The following TIAM2 variants were observed in gnomAD, a reference collection of about 807,000 sequenced individuals.
The protein encoded by TIAM2 is rho guanine nucleotide exchange factor TIAM2.
A neutral mutation model predicts 152.9 loss-of-function variants in TIAM2; 80 were observed. That is an observed-to-expected ratio of 0.52 (90% CI 0.44 to 0.63). TIAM2 has a LOEUF of 0.63. TIAM2 is among the 30% of genes least tolerant of loss of function. The pLI is 0.00. For missense variants in TIAM2, 1,965 were observed against 2,120.1 expected, an observed-to-expected ratio of 0.93 and a Z score of 1.44; for synonymous variants, 804 against 838.0, an observed-to-expected ratio of 0.96 and a Z score of 0.70.
chr6:155,037,117 C>T (rs1222277042), intron 1 of TIAM2, among the ~76,000 whole-genome samples: 4 of 152,178 alleles, frequency 2.6e-5, no homozygotes, highest in African/African-American at 7.2e-5. Flanking sequence ...CCAGGAGGAA[C>T]ATCTTTGGCG....
intron 15 of TIAM2, among the ~76,000 whole-genome samples, chr6:155,222,758 G>A (rs1426290072): frequency 1.3e-5 from 2 of 152,076 alleles, no homozygotes; most frequent in Non-Finnish European, 1.5e-5. Context: ...GTCCTGCCCT[G>A]ATGTCTCTCC....
chr6:155,009,197 G>T (rs1778447129), intron 1 of TIAM2, among the ~76,000 whole-genome samples: 1 of 145,082 alleles, frequency 6.9e-6, no homozygotes, highest in South Asian at 2.2e-4. Flanking sequence ...CACCTCCAGG[G>T]TTCGGGCGAT....
chr6:155,013,084 C>T (rs1778515373), intron 1 of TIAM2, among the ~76,000 whole-genome samples: 1 of 152,072 alleles, frequency 6.6e-6, no homozygotes, highest in Non-Finnish European at 1.5e-5. Context: ...CTGCTCCTCA[C>T]CTGTCCCCTA....
At chr6:155,242,392 A>C (rs1201770677) in intron 16 of TIAM2, among the ~76,000 whole-genome samples, 1 of 152,102 alleles carries the variant, frequency 6.6e-6, no homozygotes, top group Non-Finnish European at 1.5e-5. Flanking sequence ...GAAATTTTTG[A>C]CATCTATGTG....
chr6:155,059,392 C>T (rs1583171900), intron 1 of TIAM2, among the ~76,000 whole-genome samples: 1 of 151,958 alleles, frequency 6.6e-6, no homozygotes, highest in Non-Finnish European at 1.5e-5. Context: ...GGCACGATCT[C>T]ATCTGACTGG....
intron 1 of TIAM2, among the ~76,000 whole-genome samples, chr6:155,089,715 C>T (rs1340608617): frequency 1.3e-5 from 2 of 152,204 alleles, no homozygotes; most frequent in African/African-American, 4.8e-5. Context: ...TTTAATTTAG[C>T]CACTTGTCAC....
chr6:155,101,181 A>G (rs58748232), intron 2 of TIAM2, among the ~76,000 whole-genome samples: 2,140 of 152,220 alleles, frequency 0.014, 43 homozygotes, highest in African/African-American at 0.048. Context: ...TGGGGAGAAA[A>G]ATCAGCTCCC....
chr6:155,155,226 G>A (rs1231538615), intron 7 of TIAM2, among the ~76,000 whole-genome samples: 1 of 151,630 alleles, frequency 6.6e-6, no homozygotes, highest in East Asian at 1.9e-4. Flanking sequence ...GCCCAGGCTG[G>A]AGTGCAGTGG....
chr6:155,239,805 T>C (rs1475882497), intron 15 of TIAM2, among the ~76,000 whole-genome samples: 2 of 152,214 alleles, frequency 1.3e-5, no homozygotes, highest in African/African-American at 4.8e-5. Flanking sequence ...CCTCTGGGGC[T>C]GGTTGATCCC....
intron 1 of TIAM2, among the ~76,000 whole-genome samples, chr6:155,045,050 C>CTTTTTTTTTTTTTTTTTTTT (rs200620585): frequency 3.0e-5 from 4 of 132,056 alleles, no homozygotes; most frequent in Non-Finnish European, 6.4e-5. Flanking sequence ...TTTTCTTTTT[C>CTTTTTTTTTTTTTTTTTTTT]TTTTTTTTTT....
Position 155,165,243 on chromosome 6 carries a change from T to TA in TIAM2, c.2215-17dup. ...AAATACTAAGCCTTTAGATTTTTTT[T>TA]AAACTGTGTTTTACATTAGGTATGT... On this transcript the variant is annotated intron_variant, in intron 8 of 26. Transcript: ENST00000682666. 6.3e-7 allele frequency: 1 copy of TA among 1,591,116 alleles called. No individual in the cohort carries two copies. The highest frequency in any genetic ancestry group is 8.5e-7 in the Non-Finnish European group (1 of 1,172,288).
At chr6:155,130,510 G>A (rs1475402291) in intron 4 of TIAM2, 93 bp downstream of exon 4, 3 of 1,201,788 alleles carry the variant, frequency 2.5e-6, no homozygotes, top group East Asian at 2.5e-5. Context: ...AGTGTTGTCG[G>A]GGTGCTTAAG....
intron 15 of TIAM2, among the ~76,000 whole-genome samples, chr6:155,222,712 CCTAT>C (rs1397994663): frequency 1.3e-5 from 2 of 152,052 alleles, no homozygotes; most frequent in Non-Finnish European, 1.5e-5. Flanking sequence ...GTCAAACTTC[CCTAT>C]CTGTGAAACT....
chr6:155,252,521 A>AT (rs1783727368), intron 23 of TIAM2, among the ~76,000 whole-genome samples: 1 of 152,212 alleles, frequency 6.6e-6, no homozygotes, highest in African/African-American at 2.4e-5. Context: ...GGGGGCCTAC[A>AT]TAGAACATCG....
At chr6:155,147,033 A>G (rs1016823647) in intron 6 of TIAM2, among the ~76,000 whole-genome samples, 1 of 152,046 alleles carries the variant, frequency 6.6e-6, no homozygotes, top group Non-Finnish European at 1.5e-5. Context: ...CCCAGCCAAA[A>G]ATAAACTATT....
intron 14 of TIAM2, among the ~76,000 whole-genome samples, chr6:155,185,490 T>TTTTATTTATTTA (rs57784770): frequency 6.9e-6 from 1 of 145,958 alleles, no homozygotes; most frequent in Non-Finnish European, 1.5e-5. Context: ...GTTAAGCCAC[T>TTTTATTTATTTA]TTTATTTATT....
intron 22 of TIAM2, 100 bp downstream of exon 22, chr6:155,251,121 G>C: frequency 9.8e-7 from 1 of 1,016,744 alleles, no homozygotes; most frequent in Non-Finnish European, 1.5e-6. Flanking sequence ...AGCTCCAGGA[G>C]TCAGAATTGC....
In TIAM2 at chr6:155,130,116, C is replaced by G; in HGVS notation, c.893C>G (p.Ser298Cys). 6.2e-7 allele frequency: 1 copy of G among 1,614,192 alleles called. No individual in the cohort carries two copies. Among genetic ancestry groups the G allele is most frequent in the Non-Finnish European group, 8.5e-7 (1 of 1,180,048 alleles). Reference protein sequence around the residue: ...KPFNQSSSLSSLRELYKDANL... With the variant: ...KPFNQSSSLSCLRELYKDANL... ...TTCAACCAAAGCTCTTCCCTCTCCT[C>G]CCTCCGGGAACTGTACAAAGATGCC... Residue 298 changes from serine (S) to cysteine (C), a missense_variant, in exon 4 of 27, where the codon TCC (serine) becomes TGC (cysteine). By Grantham distance (112) the Ser-to-Cys change is moderately radical (BLOSUM62 -1). Coordinates refer to ENST00000682666, the MANE Select transcript of TIAM2 (RefSeq NM_012454.4).
intron 1 of TIAM2, among the ~76,000 whole-genome samples, chr6:155,084,722 T>C (rs1287201588): frequency 6.6e-6 from 1 of 152,226 alleles, no homozygotes; most frequent in Non-Finnish European, 1.5e-5. Flanking sequence ...TGAAACTTGC[T>C]GTTTTCATTG....
Sources: gnomAD v4.1 joint callset for allele counts (sites outside exome capture counted in the v4.1 genomes callset) on GRCh38, gnomAD v4.1.1 for gene constraint, MANE v1.5 for transcripts, NCBI Gene and HGNC (gene_info 2026-07-23, HGNC 2026-07-21) for gene names.